The following PDZRN4 variants were observed in gnomAD, a reference collection of about 807,000 sequenced individuals.
PDZRN4 encodes PDZ domain containing ring finger 4.
In PDZRN4, 70 loss-of-function variants were observed where a neutral mutation model predicts 99.0. The observed-to-expected ratio is 0.71, with a 90% confidence interval of 0.58 to 0.86. The LOEUF is 0.86. Among genes scored for constraint, PDZRN4 ranks in the 40% least tolerant of loss-of-function variants. The probability of loss-of-function intolerance (pLI) is 0.00; values close to 1 mark genes in which losing one functional copy is unlikely to be tolerated. For synonymous variants in PDZRN4, 551 were observed against 501.6 expected (o/e 1.10, Z -1.32); for missense variants, 1,474 against 1,331.2 (o/e 1.11, Z -1.67).
chr12:41,506,562 G>A lies in PDZRN4; in HGVS notation c.950G>A (p.Ser317Asn). 6.2e-7 allele frequency: 1 copy of A among 1,613,858 alleles called. No individual in the cohort carries two copies. The highest frequency in any genetic ancestry group is 8.5e-7 in the Non-Finnish European group (1 of 1,179,860). ...VVQVLRRTPL[S>N]RPAYGMASEV... The stretch of plus-strand genomic sequence containing the variant: ...CAGGTGTTAAGGCGAACACCTCTTA[G>A]TAGACCAGCCTATGGGATGGCTTCA... The change falls in exon 4 of 10, where the codon AGT (serine) becomes AAT (asparagine). Residue 317 changes from serine (S) to asparagine (N), a missense_variant. Coordinates refer to ENST00000402685, the MANE Select transcript of PDZRN4 (RefSeq NM_001164595.2).
intron 3 of PDZRN4, among the ~76,000 whole-genome samples, chr12:41,213,324 G>A (rs1289320228): frequency 6.6e-6 from 1 of 152,002 alleles, no homozygotes; most frequent in African/African-American, 2.4e-5. Flanking sequence ...CAGTGGTTTC[G>A]ATGAGGGGTT....
intron 3 of PDZRN4, among the ~76,000 whole-genome samples, chr12:41,463,234 G>T (rs1952889362): frequency 6.6e-6 from 1 of 152,136 alleles, no homozygotes; most frequent in Non-Finnish European, 1.5e-5. Flanking sequence ...CGGCTGATTT[G>T]TAACTTTCTT....
chr12:41,344,769 A>G (rs1479213713), intron 3 of PDZRN4, among the ~76,000 whole-genome samples: 1 of 148,562 alleles, frequency 6.7e-6, no homozygotes, highest in Non-Finnish European at 1.5e-5. Context: ...TATATGATAT[A>G]CATAATATAT....
At chr12:41,340,744 A>C (rs1036735441) in intron 3 of PDZRN4, among the ~76,000 whole-genome samples, 1 of 151,834 alleles carries the variant, frequency 6.6e-6, no homozygotes. Context: ...TTTTAATGAA[A>C]AAAAGGCCCA....
At chr12:41,312,847 A>G in intron 3 of PDZRN4, among the ~76,000 whole-genome samples, 1 of 151,916 alleles carries the variant, frequency 6.6e-6, no homozygotes, top group Non-Finnish European at 1.5e-5. Context: ...TTCTTTCTCT[A>G]TATTCTGTTC....
chr12:41,356,006 C>G (rs1442974456), intron 3 of PDZRN4, among the ~76,000 whole-genome samples: 2 of 151,880 alleles, frequency 1.3e-5, no homozygotes, highest in Non-Finnish European at 2.9e-5. Flanking sequence ...ATTCAAAGAT[C>G]CTCTTTTGTT....
intron 3 of PDZRN4, among the ~76,000 whole-genome samples, chr12:41,200,321 T>C (rs1054873454): frequency 2.6e-5 from 4 of 152,146 alleles, no homozygotes; most frequent in African/African-American, 9.6e-5. Context: ...CCCTAGACAG[T>C]CCCTCAGATT....
At chr12:41,449,293 G>A (rs1480860265) in intron 3 of PDZRN4, among the ~76,000 whole-genome samples, 1 of 152,002 alleles carries the variant, frequency 6.6e-6, no homozygotes, top group Non-Finnish European at 1.5e-5. Flanking sequence ...GTCATAATAT[G>A]TACCAAATGC....
chr12:41,279,018 C>G (rs190146229), intron 3 of PDZRN4, among the ~76,000 whole-genome samples: 1 of 152,166 alleles, frequency 6.6e-6, no homozygotes, highest in East Asian at 1.9e-4. Context: ...TTTTGGGACA[C>G]TAAAAATAAA....
intron 3 of PDZRN4, among the ~76,000 whole-genome samples, chr12:41,472,242 A>C (rs1266712918): frequency 1.3e-5 from 2 of 152,134 alleles, no homozygotes; most frequent in Non-Finnish European, 2.9e-5. Flanking sequence ...ACCTCAGGTG[A>C]TCCACCCACC....
At chr12:41,531,955 T>C (rs1488311823) in intron 5 of PDZRN4, among the ~76,000 whole-genome samples, 1 of 152,308 alleles carries the variant, frequency 6.6e-6, no homozygotes, top group East Asian at 1.9e-4. Flanking sequence ...GTAAAATATA[T>C]TAATTTTTTT....
intron 3 of PDZRN4, among the ~76,000 whole-genome samples, chr12:41,361,728 GC>G: frequency 6.6e-6 from 1 of 152,164 alleles, no homozygotes; most frequent in South Asian, 2.1e-4. Flanking sequence ...TAAATAGAAG[GC>G]CCCTTGATTT....
chr12:41,445,728 A>G (rs1056810354), intron 3 of PDZRN4, among the ~76,000 whole-genome samples: 6 of 152,038 alleles, frequency 3.9e-5, no homozygotes, highest in Admixed American at 2.6e-4. Context: ...TCAATCATTC[A>G]ATCTTTTCCA....
At chr12:41,468,724 G>A (rs184505263) in intron 3 of PDZRN4, among the ~76,000 whole-genome samples, 232 of 152,134 alleles carry the variant, frequency 1.5e-3, no homozygotes, top group African/African-American at 5.1e-3. Flanking sequence ...AATAACCTTC[G>A]CATACATTCA....
At chr12:41,434,512 A>G (rs1952612429) in intron 3 of PDZRN4, among the ~76,000 whole-genome samples, 1 of 152,170 alleles carries the variant, frequency 6.6e-6, no homozygotes, top group Non-Finnish European at 1.5e-5. Flanking sequence ...TTCTATAAAG[A>G]GAAACTCCCT....
intron 5 of PDZRN4, among the ~76,000 whole-genome samples, chr12:41,524,201 T>C (rs1469057404): frequency 6.6e-6 from 1 of 152,106 alleles, no homozygotes; most frequent in African/African-American, 2.4e-5. Context: ...TTGAAATAAA[T>C]TAAAGCAGAC....
intron 3 of PDZRN4, among the ~76,000 whole-genome samples, chr12:41,301,017 T>G (rs1366118478): frequency 6.6e-6 from 1 of 152,084 alleles, no homozygotes; most frequent in Non-Finnish European, 1.5e-5. Flanking sequence ...GGGAATTTCT[T>G]ATCATTATAG....
At chr12:41,338,041 A>G (rs914011967) in intron 3 of PDZRN4, among the ~76,000 whole-genome samples, 1 of 152,108 alleles carries the variant, frequency 6.6e-6, no homozygotes, top group African/African-American at 2.4e-5. Context: ...CTACATGTGC[A>G]TGCCACTGTG....
At chr12:41,458,518 T>C (rs931938609) in intron 3 of PDZRN4, among the ~76,000 whole-genome samples, 15 of 152,138 alleles carry the variant, frequency 9.9e-5, no homozygotes, top group African/African-American at 3.4e-4. Context: ...AGTGGCAAGA[T>C]CAGATCTATG....
Sources: allele counts gnomAD v4.1 joint callset (sites outside exome capture counted in the v4.1 genomes callset), GRCh38; gene constraint gnomAD v4.1.1; transcripts MANE v1.5; gene names NCBI Gene and HGNC (gene_info 2026-07-23, HGNC 2026-07-21).